Variants in RP1 observed in about 807,000 individuals in gnomAD.
RP1 encodes the protein oxygen-regulated protein 1.
RP1 carries 16 observed loss-of-function variants against 14.8 expected under a neutral mutation model. The ratio of observed to expected loss-of-function variants is 1.08; its 90% CI spans 0.73 to 1.65. The LOEUF (loss-of-function observed/expected upper bound fraction) is 1.65. Ranked by LOEUF, RP1 falls within the 40% of genes most tolerant of loss-of-function variation. RP1 has a pLI of 0.00. For synonymous variants in RP1, 876 were observed against 883.6 expected, an observed-to-expected ratio of 0.99 and a Z score of 0.15; for missense variants, 2,631 against 2,535.0, an observed-to-expected ratio of 1.04 and a Z score of -0.81.
chr8:54,587,735 G>A (rs1039601366), intron 1 of RP1, among the ~76,000 whole-genome samples: 1 of 152,192 alleles, frequency 6.6e-6, no homozygotes, highest in African/African-American at 2.4e-5. Context: ...AAACCCTTGA[G>A]AATGAGCTAC....
At chr8:54,566,049 T>C (rs1212326490) in intron 1 of RP1, among the ~76,000 whole-genome samples, 4 of 151,062 alleles carry the variant, frequency 2.6e-5, no homozygotes, top group Non-Finnish European at 5.9e-5. Context: ...TCCTCTTTTA[T>C]AAGGACACAG....
At chr8:54,843,417 G>A (rs1454800283) in intron 25 of RP1, among the ~76,000 whole-genome samples, 5 of 152,004 alleles carry the variant, frequency 3.3e-5, no homozygotes, top group South Asian at 2.1e-4. Flanking sequence ...AGATATGTAC[G>A]TTCAACCAAG....
At position 54,629,483 on chromosome 8, in the gene RP1, C is replaced by T. The variant is rs1806186461; in HGVS notation, c.5601C>T (p.Val1867=). Residue 1867 remains valine (V), a synonymous_variant, in exon 4 of 4, where the codon GTC becomes GTT. Transcript: ENST00000220676. ...AGTCAGAAAGAGTATGCACATCTGT[C>T]ACTCATTCCTTTATTTCTGCTGGTA... The part of the protein sequence containing the change: ...SHQSERVCTS[V]THSFISAGNK... The T allele has an allele frequency of 1.2e-6, 2 of 1,614,006 alleles. No individual in the cohort carries two copies. Among genetic ancestry groups the T allele is most frequent in the Admixed American group, 1.7e-5 (1 of 60,002 alleles).
At chr8:54,785,051 A>G (rs955410656) in intron 24 of RP1, among the ~76,000 whole-genome samples, 5 of 152,122 alleles carry the variant, frequency 3.3e-5, no homozygotes, top group Non-Finnish European at 5.9e-5. Flanking sequence ...ACATTTACCC[A>G]TTTAAAGTGT....
chr8:54,624,529 G>A, intron 3 of RP1, 141 bp from the exon 4 acceptor site: 13 of 704,552 alleles, frequency 1.8e-5, no homozygotes, highest in South Asian at 5.8e-5. Flanking sequence ...ATGAAATACA[G>A]AAAATATGCT....
intron 16 of RP1, among the ~76,000 whole-genome samples, chr8:54,722,734 G>A (rs753691099): frequency 6.6e-6 from 1 of 152,048 alleles, no homozygotes; most frequent in Non-Finnish European, 1.5e-5. Flanking sequence ...CAGAGTTAAA[G>A]TTGTGAGGCA....
At chr8:54,763,387 G>A (rs565356504) in intron 22 of RP1, among the ~76,000 whole-genome samples, 23 of 152,168 alleles carry the variant, frequency 1.5e-4, no homozygotes, top group Non-Finnish European at 2.6e-4. Context: ...GCTTGCAGAA[G>A]CAAGTTATTT....
chr8:54,700,431 G>A (rs1158244615), intron 13 of RP1, among the ~76,000 whole-genome samples: 3 of 151,840 alleles, frequency 2.0e-5, no homozygotes, highest in Admixed American at 6.6e-5. Flanking sequence ...TTGTGTATTT[G>A]TATGCCTGAA....
intron 27 of RP1, among the ~76,000 whole-genome samples, chr8:54,864,223 G>C (rs1056383191): frequency 6.6e-6 from 1 of 152,032 alleles, no homozygotes; most frequent in Non-Finnish European, 1.5e-5. Flanking sequence ...AAGGACGAAG[G>C]TGTCGATAAA....
At chr8:54,780,335 C>T (rs1238838065) in intron 23 of RP1, among the ~76,000 whole-genome samples, 1 of 152,244 alleles carries the variant, frequency 6.6e-6, no homozygotes, top group Non-Finnish European at 1.5e-5. Context: ...GCTAGTGAAT[C>T]ATTAGTAAAC....
intron 24 of RP1, among the ~76,000 whole-genome samples, chr8:54,787,055 A>G (rs1451281022): frequency 6.6e-6 from 1 of 152,170 alleles, no homozygotes; most frequent in African/African-American, 2.4e-5. Context: ...ACTTGGTTGT[A>G]GGACTTCATA....
At chr8:54,698,075 A>G (rs1807914495) in intron 12 of RP1, among the ~76,000 whole-genome samples, 1 of 152,202 alleles carries the variant, frequency 6.6e-6, no homozygotes, top group Admixed American at 6.5e-5. Context: ...TCTGCACAGC[A>G]AAAGAAACTA....
At chr8:54,595,627 C>T (rs536471635) in intron 1 of RP1, among the ~76,000 whole-genome samples, 1 of 152,282 alleles carries the variant, frequency 6.6e-6, no homozygotes, top group South Asian at 2.1e-4. Flanking sequence ...TATTTGAAAT[C>T]TCAAGGACTG....
At chr8:54,645,680 G>A (rs555141763) in intron 3 of RP1, among the ~76,000 whole-genome samples, 94 of 152,128 alleles carry the variant, frequency 6.2e-4, no homozygotes, top group African/African-American at 2.1e-3. Context: ...TTCTGATTTG[G>A]GTACCAGAGT....
At chr8:54,564,648 T>C (rs1472226342) in intron 1 of RP1, among the ~76,000 whole-genome samples, 1 of 152,172 alleles carries the variant, frequency 6.6e-6, no homozygotes, top group Non-Finnish European at 1.5e-5. Flanking sequence ...TAGAGAAGAA[T>C]TGCAGCTGTT....
rs372414529 is a variant in RP1, at chr8:54,860,263, A to AT, written c.4069+3167dup. 2.8e-3 allele frequency among the ~76,000 whole-genome samples: 415 copies of AT among 150,278 alleles called. 1 individual carries two copies. Among genetic ancestry groups the AT allele is most frequent in the African/African-American group, 6.1e-3 (250 of 41,064 alleles). The stretch of plus-strand genomic sequence containing the variant: ...GGAGCAATAAACTTCCAAAATACTG[A>AT]TTTTTTTTTTAAGGAAATACTCATT... On this transcript the variant is annotated intron_variant, in intron 27 of 28. Transcript: ENST00000637698.
At chr8:54,863,544 C>T (rs765927487) in intron 27 of RP1, among the ~76,000 whole-genome samples, 3 of 152,060 alleles carry the variant, frequency 2.0e-5, no homozygotes, top group Admixed American at 6.5e-5. Context: ...ATGTATGATA[C>T]GAGGATGGAA....
intron 3 of RP1, among the ~76,000 whole-genome samples, chr8:54,641,139 G>A (rs964850292): frequency 6.6e-6 from 1 of 151,902 alleles, no homozygotes; most frequent in Non-Finnish European, 1.5e-5. Flanking sequence ...TAGAGACGGG[G>A]TTTCACTGTG....
At chr8:54,854,560 G>T (rs996862106) in intron 26 of RP1, among the ~76,000 whole-genome samples, 9 of 152,120 alleles carry the variant, frequency 5.9e-5, no homozygotes, top group African/African-American at 2.2e-4. Context: ...GGTTGATTAG[G>T]ACTTTAAAAG....
Sources: gnomAD v4.1 joint callset for allele counts (sites outside exome capture counted in the v4.1 genomes callset) on GRCh38, gnomAD v4.1.1 for gene constraint, MANE v1.5 for transcripts, NCBI Gene and HGNC (gene_info 2026-07-23, HGNC 2026-07-21) for gene names.